The following TRPC4 variants were observed in gnomAD, a reference collection of about 807,000 sequenced individuals.
The protein encoded by TRPC4 is transient receptor potential cation channel subfamily C member 4.
In TRPC4, 49 loss-of-function variants were observed where a neutral mutation model predicts 99.4. The observed-to-expected ratio is 0.49, with a 90% CI of 0.39 to 0.63. TRPC4 has a LOEUF of 0.63. TRPC4 is among the 20% of genes least tolerant of loss of function. TRPC4 has a pLI of 0.00. For missense variants in TRPC4, 898 were observed against 1,152.9 expected (o/e 0.78, Z 3.20); for synonymous variants, 454 against 425.9 (o/e 1.07, Z -0.81).
intron 3 of TRPC4, among the ~76,000 whole-genome samples, chr13:37,734,886 G>A (rs1458750310): frequency 6.6e-6 from 1 of 152,036 alleles, no homozygotes; most frequent in Non-Finnish European, 1.5e-5. Context: ...GAACCATGGA[G>A]GATGGGCTTA....
rs533020547 is a variant in TRPC4 at position 37,679,698 on chromosome 13, C to G, written c.1235-5331G>C. ...TTTATTCTAAATTCGGCATTTACATCCTAGTTTCCCGTTTTAGTCATCTTT... is the reference window on the plus strand; with the variant it reads ...TTTATTCTAAATTCGGCATTTACATGCTAGTTTCCCGTTTTAGTCATCTTT... On this transcript the variant is annotated intron_variant, in intron 4 of 10. Coordinates refer to ENST00000379705, the MANE Select transcript of TRPC4 (RefSeq NM_016179.4). 9.9e-5 allele frequency among the ~76,000 whole-genome samples: 15 copies of G among 152,226 alleles called. 1 individual carries two copies. In the South Asian group the frequency reaches 3.1e-3, roughly 32 times the overall value.
At chr13:37,841,595 G>T (rs1403681682) in intron 1 of TRPC4, among the ~76,000 whole-genome samples, 2 of 151,310 alleles carry the variant, frequency 1.3e-5, no homozygotes, top group Admixed American at 1.3e-4. Flanking sequence ...AGAAAGAGAA[G>T]CTTTACTGAA....
At chr13:37,771,151 C>A (rs1956541131) in intron 2 of TRPC4, among the ~76,000 whole-genome samples, 1 of 151,638 alleles carries the variant, frequency 6.6e-6, no homozygotes, top group Non-Finnish European at 1.5e-5. Flanking sequence ...CCTAAAACTG[C>A]AGTTGATTGC....
At chr13:37,789,960 G>GAAA (rs1285383711) in intron 1 of TRPC4, among the ~76,000 whole-genome samples, 6 of 152,012 alleles carry the variant, frequency 3.9e-5, no homozygotes, top group African/African-American at 1.2e-4. Flanking sequence ...TAGAATTAGT[G>GAAA]TACCAGATAA....
chr13:37,775,099 G>T (rs1855253), intron 2 of TRPC4, among the ~76,000 whole-genome samples: 1 of 151,352 alleles, frequency 6.6e-6, no homozygotes. Context: ...CAAAACCCAC[G>T]TATGAAAGAT....
chr13:37,755,484 C>A (rs1956074517), intron 2 of TRPC4, among the ~76,000 whole-genome samples: 1 of 151,800 alleles, frequency 6.6e-6, no homozygotes, highest in Non-Finnish European at 1.5e-5. Context: ...ATTGCCCAGG[C>A]TGGTCTCAAA....
At position 37,632,965 on chromosome 13, in the gene TRPC4, C is replaced by T. The variant is rs17056331; in HGVS notation, c.*3938G>A. Among the ~76,000 whole-genome samples, 1,165 of 152,288 alleles carry T rather than the reference C, an allele frequency of 7.6e-3. 13 individuals are homozygous for T. Among genetic ancestry groups the T allele is most frequent in the African/African-American group, 0.026 (1,075 of 41,552 alleles). On this transcript the variant is annotated 3_prime_UTR_variant, in exon 11 of 11. Coordinates refer to ENST00000379705, the MANE Select transcript of TRPC4 (RefSeq NM_016179.4). The stretch of plus-strand genomic sequence containing the variant: ...TCAAGGCATTTATAATGTGATGCCT[C>T]ATCCAAATATCTAGATGAGGAGGTT...
chr13:37,669,561 G>A (rs574604582), intron 5 of TRPC4, among the ~76,000 whole-genome samples: 1 of 152,218 alleles, frequency 6.6e-6, no homozygotes, highest in South Asian at 2.1e-4. Flanking sequence ...ATATTTTTAT[G>A]CTCTGTCTTT....
At chr13:37,712,345 A>G (rs958348300) in intron 3 of TRPC4, among the ~76,000 whole-genome samples, 2 of 152,180 alleles carry the variant, frequency 1.3e-5, no homozygotes, top group Admixed American at 6.5e-5. Context: ...TGCTAAAAGA[A>G]GATTCAATAA....
At chr13:37,718,735 A>C (rs1486197010) in intron 3 of TRPC4, among the ~76,000 whole-genome samples, 1 of 152,160 alleles carries the variant, frequency 6.6e-6, no homozygotes, top group African/African-American at 2.4e-5. Context: ...AATCTAAGGA[A>C]AAAAGAGAAG....
intron 1 of TRPC4, among the ~76,000 whole-genome samples, chr13:37,822,983 T>C (rs1378069661): frequency 9.8e-4 from 146 of 148,652 alleles, no homozygotes; most frequent in Non-Finnish European, 1.7e-3. Context: ...TGAGATGGTA[T>C]CTCATTGTGG....
chr13:37,711,312 T>C (rs1322640115), intron 3 of TRPC4, among the ~76,000 whole-genome samples: 1 of 152,016 alleles, frequency 6.6e-6, no homozygotes, highest in Non-Finnish European at 1.5e-5. Flanking sequence ...CAAACAGAAC[T>C]TCTCTGCAAC....
intron 1 of TRPC4, among the ~76,000 whole-genome samples, chr13:37,861,943 G>T (rs1409208406): frequency 6.6e-6 from 1 of 151,398 alleles, no homozygotes; most frequent in Non-Finnish European, 1.5e-5. Context: ...ACCTAGGAAT[G>T]CAGGTTCCAA....
At chr13:37,834,885 C>A (rs1958520328) in intron 1 of TRPC4, among the ~76,000 whole-genome samples, 1 of 152,064 alleles carries the variant, frequency 6.6e-6, no homozygotes, top group Non-Finnish European at 1.5e-5. Context: ...CAGGCATGTG[C>A]CACCATGCCT....
chr13:37,821,190 C>CCACACA (rs3086254), intron 1 of TRPC4, among the ~76,000 whole-genome samples: 13,834 of 135,794 alleles, frequency 0.1, 687 homozygotes, highest in East Asian at 0.16. Context: ...TTCACAATAG[C>CCACACA]CACACACACA....
chr13:37,746,169 T>C lies in TRPC4; in HGVS notation c.665A>G (p.Gln222Arg). 8.7e-6 allele frequency: 14 copies of C among 1,613,864 alleles called. No individual in the cohort carries two copies. The highest frequency in any genetic ancestry group is 1.2e-5 in the Non-Finnish European group (14 of 1,179,864). The change falls in exon 3 of 11, where the codon CAG (glutamine) becomes CGG (arginine). Residue 222 changes from glutamine (Q) to arginine (R), a missense_variant. Gln to Arg is a conservative substitution (Grantham distance 43, BLOSUM62 1). Around this residue, in one of 3 missense-constraint regions of TRPC4, gnomAD observed 278 missense variants for 346.6 expected, o/e 0.80. Transcript: ENST00000379705. ...CAGTTCCTGAAGTTCCCAACTTAAC[T>C]GAAAGGCTGTGAGAAAAGGATCTTC... is the stretch of plus-strand genomic sequence containing the variant. ...SSEDPFLTAFQLSWELQELSK... is the reference protein window; with the variant it reads ...SSEDPFLTAFRLSWELQELSK...
At chr13:37,662,048 C>T (rs567408891) in intron 6 of TRPC4, among the ~76,000 whole-genome samples, 1 of 152,190 alleles carries the variant, frequency 6.6e-6, no homozygotes, top group African/African-American at 2.4e-5. Context: ...GTGGCTCATG[C>T]CTGTAATCCC....
At chr13:37,707,865 T>C (rs979768685) in intron 3 of TRPC4, among the ~76,000 whole-genome samples, 1 of 152,138 alleles carries the variant, frequency 6.6e-6, no homozygotes, top group Non-Finnish European at 1.5e-5. Flanking sequence ...ACTCTTTCAT[T>C]TTCACTTAAG....
chr13:37,855,018 C>G (rs1959148963), intron 1 of TRPC4: 1 of 151,654 alleles, frequency 6.6e-6, no homozygotes, highest in African/African-American at 2.4e-5. Context: ...ATAGAATAAG[C>G]TTTTCAATCA....
Sources: allele counts gnomAD v4.1 joint callset (sites outside exome capture counted in the v4.1 genomes callset), GRCh38; gene constraint gnomAD v4.1.1; regional missense constraint gnomAD v4.1.1; transcripts MANE v1.5; gene names NCBI Gene and HGNC (gene_info 2026-07-23, HGNC 2026-07-21).